FTO: variants seen among roughly 807,000 people sequenced by gnomAD.
The protein encoded by FTO is alpha-ketoglutarate-dependent dioxygenase FTO.
FTO carries 47 observed loss-of-function variants against 63.9 expected under a neutral mutation model. That is an observed-to-expected ratio of 0.74 (90% CI 0.58 to 0.94). The LOEUF is 0.94. FTO is among the 40% of genes least tolerant of loss of function. FTO has a pLI of 0.00. For missense variants in FTO, 562 were observed against 618.1 expected (o/e 0.91, Z 0.96); for synonymous variants, 207 against 224.4 (o/e 0.92, Z 0.69).
At chr16:53,796,049 C>CTTTCT (rs2078060198) in intron 1 of FTO, among the ~76,000 whole-genome samples, 1 of 138,418 alleles carries the variant, frequency 7.2e-6, no homozygotes, top group South Asian at 2.2e-4. Flanking sequence ...TTCTTTCTTT[C>CTTTCT]TTTTTTTTTT....
intron 7 of FTO, among the ~76,000 whole-genome samples, chr16:53,916,861 A>T (rs956440764): frequency 6.6e-6 from 1 of 152,214 alleles, no homozygotes; most frequent in Non-Finnish European, 1.5e-5. Flanking sequence ...GGATATCTGG[A>T]GGGGAGCTAA....
chr16:53,903,693 A>G (rs2081462226), intron 7 of FTO, among the ~76,000 whole-genome samples: 1 of 152,208 alleles, frequency 6.6e-6, no homozygotes, highest in Non-Finnish European at 1.5e-5. Flanking sequence ...TCCATAACTT[A>G]TGTAACCAGA....
chr16:53,816,901 A>G (rs1473500365), intron 2 of FTO, among the ~76,000 whole-genome samples: 4 of 152,184 alleles, frequency 2.6e-5, no homozygotes, highest in African/African-American at 7.2e-5. Flanking sequence ...TCAGCACCCA[A>G]GTGCTTTGCA....
At chr16:53,922,111 A>G (rs2082020622) in intron 7 of FTO, among the ~76,000 whole-genome samples, 2 of 152,206 alleles carry the variant, frequency 1.3e-5, no homozygotes, top group Admixed American at 6.5e-5. Flanking sequence ...GATGGTCAAC[A>G]ACAACAATTT....
chr16:53,927,645 A>T (rs1487795781), intron 7 of FTO, among the ~76,000 whole-genome samples: 1 of 152,204 alleles, frequency 6.6e-6, no homozygotes, highest in African/African-American at 2.4e-5. Flanking sequence ...ACAGTTCCTC[A>T]TCCTAGAATG....
intron 7 of FTO, among the ~76,000 whole-genome samples, chr16:53,899,252 G>A (rs1307506306): frequency 1.3e-5 from 2 of 151,362 alleles, no homozygotes; most frequent in Admixed American, 1.3e-4. Context: ...TTAATGAGAG[G>A]CTTAAGTAGG....
At chr16:53,973,763 C>T (rs567724195) in intron 8 of FTO, among the ~76,000 whole-genome samples, 14 of 152,050 alleles carry the variant, frequency 9.2e-5, no homozygotes, top group African/African-American at 1.4e-4. Context: ...AACTTTGGGG[C>T]GAGTGTGAAA....
chr16:53,953,002 A>G (rs896695069), intron 8 of FTO, among the ~76,000 whole-genome samples: 1 of 152,180 alleles, frequency 6.6e-6, no homozygotes, highest in Non-Finnish European at 1.5e-5. Context: ...GAAATGGATA[A>G]TTGGGAAACT....
At chr16:54,019,467 A>G (rs2084536610) in intron 8 of FTO, among the ~76,000 whole-genome samples, 1 of 152,204 alleles carries the variant, frequency 6.6e-6, no homozygotes, top group African/African-American at 2.4e-5. Flanking sequence ...GATGCATTTA[A>G]TGGGCATATG....
chr16:53,963,704 A>G (rs1252476942), intron 8 of FTO, among the ~76,000 whole-genome samples: 1 of 152,182 alleles, frequency 6.6e-6, no homozygotes, highest in African/African-American at 2.4e-5. Context: ...AGCTGAGTGG[A>G]TGCCAGCATC....
intron 8 of FTO, among the ~76,000 whole-genome samples, chr16:54,031,139 G>T (rs1291594302): frequency 6.6e-6 from 1 of 152,108 alleles, no homozygotes; most frequent in African/African-American, 2.4e-5. Context: ...AGCCAGGAGA[G>T]GTAATCAAAT....
At chr16:53,768,241 C>T (rs1255003176) in intron 1 of FTO, among the ~76,000 whole-genome samples, 1 of 152,208 alleles carries the variant, frequency 6.6e-6, no homozygotes, top group Non-Finnish European at 1.5e-5. Context: ...CATATGGTTA[C>T]ACTCAAAAGG....
intron 6 of FTO, among the ~76,000 whole-genome samples, chr16:53,886,340 G>C (rs1356143887): frequency 6.6e-6 from 1 of 152,204 alleles, no homozygotes; most frequent in Non-Finnish European, 1.5e-5. Context: ...CCAAAGACTG[G>C]AAAATCTTTT....
chr16:54,014,340 C>G (rs986373589), intron 8 of FTO, among the ~76,000 whole-genome samples: 6 of 152,108 alleles, frequency 3.9e-5, no homozygotes, highest in Non-Finnish European at 7.3e-5. Context: ...AGTGACTTCT[C>G]ACTCTATTAG....
At chr16:54,008,859 T>A (rs938308111) in intron 8 of FTO, among the ~76,000 whole-genome samples, 13 of 128,322 alleles carry the variant, frequency 1.0e-4, no homozygotes, top group East Asian at 4.8e-4. Context: ...ATAATAATAA[T>A]AAATTAGCTG....
At chr16:53,951,661 TTAAC>T (rs899505931) in intron 8 of FTO, among the ~76,000 whole-genome samples, 4 of 151,984 alleles carry the variant, frequency 2.6e-5, no homozygotes, top group African/African-American at 9.7e-5. Flanking sequence ...TCTATTATTA[TTAAC>T]TGTGTTACAC....
chr16:53,836,343 C>T (rs1048882922), intron 3 of FTO, among the ~76,000 whole-genome samples: 9 of 152,166 alleles, frequency 5.9e-5, no homozygotes, highest in Non-Finnish European at 1.3e-4. Flanking sequence ...TCTGCTTCCC[C>T]ACAACAGTAA....
intron 8 of FTO, among the ~76,000 whole-genome samples, chr16:54,085,699 G>C (rs2086241716): frequency 6.6e-6 from 1 of 152,174 alleles, no homozygotes; most frequent in Non-Finnish European, 1.5e-5. Flanking sequence ...TAAACATAGT[G>C]ATGACAAATA....
In FTO at chr16:54,114,218, C is replaced by T. The variant is rs2086949837; in HGVS notation, c.*2303C>T. On this transcript the variant is annotated 3_prime_UTR_variant, in exon 9 of 9. Coordinates refer to ENST00000471389, the MANE Select transcript of FTO (RefSeq NM_001080432.3). ...ACTGCGAGTTGGGGCATGACCCAGC[C>T]TATGGTTTGCCATACTCCCTCTTTT... 1 of 152,190 alleles carries T rather than the reference C, an allele frequency of 6.6e-6. No homozygotes were observed. Among genetic ancestry groups the T allele is most frequent in the African/African-American group, 2.4e-5 (1 of 41,444 alleles). The allele number at this position is 152,190 out of a possible 1,614,324, so 9.4% of individuals were successfully genotyped here. A position where few individuals can be genotyped will look rare whatever the true frequency, so the allele number is the denominator to read the frequency against.
Sources: gnomAD v4.1 joint callset for allele counts (sites outside exome capture counted in the v4.1 genomes callset) on GRCh38, gnomAD v4.1.1 for gene constraint, MANE v1.5 for transcripts, NCBI Gene and HGNC (gene_info 2026-07-23, HGNC 2026-07-21) for gene names.